HCRTR1: variants seen among roughly 807,000 people sequenced by gnomAD.
HCRTR1 encodes orexin/Hypocretin receptor type 1.
In HCRTR1, 28 loss-of-function variants were observed where a neutral mutation model predicts 40.6. That is an observed-to-expected ratio of 0.69 (90% confidence interval 0.51 to 0.95). The LOEUF is 0.95. Ranked by LOEUF, HCRTR1 falls within the 40% of genes least tolerant of loss-of-function variation. The pLI is 0.00. For synonymous variants in HCRTR1, 209 were observed against 230.0 expected (o/e 0.91, Z 0.83); for missense variants, 482 against 564.7 (o/e 0.85, Z 1.48).
chr1:31,623,341 T>C (rs1473860588), intron 6 of HCRTR1, among the ~76,000 whole-genome samples, 182 bp from the exon 7 acceptor site: 1 of 151,964 alleles, frequency 6.6e-6, no homozygotes, highest in Non-Finnish European at 1.5e-5. Context: ...AAGTCTATCG[T>C]TCACTCTCAA....
intron 6 of HCRTR1, among the ~76,000 whole-genome samples, chr1:31,622,522 A>AC (rs1639877754): frequency 1.3e-5 from 2 of 151,028 alleles, no homozygotes; most frequent in Admixed American, 1.3e-4. Context: ...CTCCCCACAG[A>AC]CCCCCCAGCC....
Position 31,626,736 on chromosome 1 carries a change from C to A in HCRTR1, c.1088-54C>A. Reference sequence around the variant, plus strand: ...GCGTGGGTGTCCCTGGGCTCAAGGCCCCTTCCTGCTGCATCTGTCTCCTTA... The same window carrying A: ...GCGTGGGTGTCCCTGGGCTCAAGGCACCTTCCTGCTGCATCTGTCTCCTTA... On this transcript the variant is annotated intron_variant, in intron 8 of 8. Coordinates refer to ENST00000403528, the MANE Select transcript of HCRTR1 (RefSeq NM_001525.3). This position sits in a 1 kb window ranked among gnomAD's most constrained non-coding sequence, Gnocchi z 4.6. 6.4e-7 allele frequency: 1 copy of A among 1,567,578 alleles called. No homozygotes were observed. Among genetic ancestry groups the A allele is most frequent in the Non-Finnish European group, 8.7e-7 (1 of 1,154,196 alleles).
chr1:31,624,803 C>T (rs868172629), intron 7 of HCRTR1, among the ~76,000 whole-genome samples, 194 bp from the exon 8 acceptor site: 2 of 152,276 alleles, frequency 1.3e-5, no homozygotes, highest in South Asian at 2.1e-4. Context: ...ATGCCCATCA[C>T]GGTGCTTGAT....
At chr1:31,632,562 C>G (rs1640138175), downstream of HCRTR1, 1 of 1,614,226 alleles carries the variant, frequency 6.2e-7, no homozygotes, top group Non-Finnish European at 8.5e-7. Context: ...AGAGGTTCTT[C>G]CACTGCTGGA....
downstream of HCRTR1, chr1:31,633,244 G>C: frequency 1.2e-6 from 2 of 1,614,114 alleles, no homozygotes; most frequent in Non-Finnish European, 1.7e-6. Context: ...TGGAGATATA[G>C]CCACTGTGAT....
chr1:31,620,060 A>G (rs1639820403), intron 4 of HCRTR1, among the ~76,000 whole-genome samples: 2 of 152,180 alleles, frequency 1.3e-5, no homozygotes, highest in Non-Finnish European at 2.9e-5. Flanking sequence ...CTGCTCCCCA[A>G]TCCCAAAGGG....
downstream of HCRTR1, among the ~76,000 whole-genome samples, chr1:31,633,969 C>A (rs1418933586): frequency 2.0e-3 from 294 of 148,828 alleles, no homozygotes; most frequent in African/African-American, 3.2e-3. Flanking sequence ...AAAAAAAAAA[C>A]AAAAAAACCC....
chr1:31,630,241 G>A (rs1045849937), downstream of HCRTR1: 2 of 292,236 alleles, frequency 6.8e-6, no homozygotes, highest in Non-Finnish European at 1.3e-5. Context: ...GGGAACACAG[G>A]TACTAACGGT....
At chr1:31,618,896 G>A (rs1342466117) in intron 2 of HCRTR1, 80 bp downstream of exon 2, 3 of 427,868 alleles carry the variant, frequency 7.0e-6, no homozygotes, top group Non-Finnish European at 1.3e-5. Context: ...AAGGCAACTG[G>A]TGTGGAATTG....
In HCRTR1 at chr1:31,627,548, C is replaced by T. The variant is rs192163402; in HGVS notation, c.*568C>T. On this transcript the variant is annotated 3_prime_UTR_variant, in exon 9 of 9. Transcript: ENST00000403528. ...TGGCTTTGTGGTGTGATAAAACACT[C>T]TCCATGGCCACTTGGCAGAGAGGCC... 1.9e-4 allele frequency: 69 copies of T among 363,082 alleles called. No homozygotes were observed. The highest frequency in any genetic ancestry group is 1.6e-3 in the Admixed American group (44 of 26,920). The allele number at this position is 363,082 out of a possible 1,614,324, so 22.5% of individuals were successfully genotyped here. A position where few individuals can be genotyped will look rare whatever the true frequency, so the allele number is the denominator to read the frequency against.
chr1:31,624,579 A>G (rs1639934627), intron 7 of HCRTR1, among the ~76,000 whole-genome samples: 1 of 151,838 alleles, frequency 6.6e-6, no homozygotes, highest in African/African-American at 2.4e-5. Context: ...CGCTGGGGAG[A>G]GAATGCAGGC....
Position 31,619,079 on chromosome 1 carries a change from C to A in HCRTR1, c.-114C>A. On this transcript the variant is annotated 5_prime_UTR_variant, in exon 3 of 9. In the 5' UTR this introduces an upstream ATG that the reference lacks. Transcript: ENST00000403528. Reference sequence around the variant, plus strand: ...GTTTGAGGCTGAGACCCGAAAAGACCTGGGTGCAAGCCTCCAGGCACCCTG... The same window carrying A: ...GTTTGAGGCTGAGACCCGAAAAGACATGGGTGCAAGCCTCCAGGCACCCTG... 1.3e-6 allele frequency: 1 copy of A among 793,894 alleles called. No individual in the cohort carries two copies. Among genetic ancestry groups the A allele is most frequent in the Non-Finnish European group, 2.0e-6 (1 of 507,572 alleles). The allele number at this position is 793,894 out of a possible 1,614,324, so 49.2% of individuals were successfully genotyped here. A position where few individuals can be genotyped will look rare whatever the true frequency, so the allele number is the denominator to read the frequency against.
At chr1:31,632,441 AAAGAG>A, downstream of HCRTR1, 1 of 1,613,476 alleles carries the variant, frequency 6.2e-7, no homozygotes, top group South Asian at 1.1e-5. Flanking sequence ...CTTAGGGTGT[AAAGAG>A]AAGAGTCTAG....
chr1:31,632,293 G>T, downstream of HCRTR1: 1 of 874,800 alleles, frequency 1.1e-6, no homozygotes. Context: ...TCTGGACCCA[G>T]GTGTTTCCTT....
rs1330143202 is a variant in HCRTR1 at position 31,627,166 on chromosome 1, G to A, written c.*186G>A. 8 of 1,435,034 alleles carry A rather than the reference G, an allele frequency of 5.6e-6. No homozygotes were observed. The highest frequency in any genetic ancestry group is 2.2e-5 in the Admixed American group (1 of 45,018). The allele number at this position is 1,435,034 out of a possible 1,614,324, so 88.9% of individuals were successfully genotyped here. On this transcript the variant is annotated 3_prime_UTR_variant, in exon 9 of 9. Coordinates refer to ENST00000403528, the MANE Select transcript of HCRTR1 (RefSeq NM_001525.3). ...GGTTGATGTGAGGATTAAGCATGCT[G>A]AAGCAAGTGGAAAGCTCCTTGTAAA...
rs189886049 is a variant in HCRTR1, at chr1:31,618,510, C to T, written c.-203-246C>T. Among the ~76,000 whole-genome samples the T allele has an allele frequency of 2.7e-3, 411 of 152,172 alleles. 3 individuals carry two copies. Among genetic ancestry groups the T allele is most frequent in the South Asian group, 0.019 (92 of 4,812 alleles). ...TGGCGGGTGGGGCTTGGGTCTCTAACACCTCCCTTGGCCCGTTTTCCCAAC... is the reference window on the plus strand; with the variant it reads ...TGGCGGGTGGGGCTTGGGTCTCTAATACCTCCCTTGGCCCGTTTTCCCAAC... On this transcript the variant is annotated intron_variant, in intron 1 of 8. Coordinates refer to ENST00000403528, the MANE Select transcript of HCRTR1 (RefSeq NM_001525.3).
chr1:31,628,310 G>A (rs1010122386), downstream of HCRTR1, among the ~76,000 whole-genome samples: 4 of 152,250 alleles, frequency 2.6e-5, no homozygotes, highest in South Asian at 6.2e-4. Flanking sequence ...CCCAGAGCAG[G>A]TGGAATGTGT....
Position 31,626,900 on chromosome 1 carries a change from T to G in HCRTR1, c.1198T>G (p.Leu400Val). ...CCGCTCCTCTGCCAGCCACAAGTCC[T>G]TGTCCTTGCAGAGCCGATGCTCCAT... ...SPRSSASHKS[L>V]SLQSRCSISK... The change falls in exon 9 of 9, where the codon TTG (leucine) becomes GTG (valine). Residue 400 changes from leucine to valine, a missense_variant. Coordinates refer to ENST00000403528, the MANE Select transcript of HCRTR1 (RefSeq NM_001525.3). The surrounding 1 kb of genome is among the most constrained non-coding windows in gnomAD (Gnocchi z 4.6). The G allele has an allele frequency of 1.7e-5, 27 of 1,614,060 alleles. No homozygotes were observed. The highest frequency in any genetic ancestry group is 2.3e-5 in the Non-Finnish European group (27 of 1,180,036).
At chr1:31,618,362 T>C (rs974140506) in intron 1 of HCRTR1, among the ~76,000 whole-genome samples, 2 of 152,118 alleles carry the variant, frequency 1.3e-5, no homozygotes, top group Non-Finnish European at 1.5e-5. Context: ...AAGGGGCCTC[T>C]TAGGGGGCCT....
Sources: gnomAD v4.1 joint callset for allele counts (sites outside exome capture counted in the v4.1 genomes callset) on GRCh38, gnomAD v4.1.1 for gene constraint, Gnocchi (gnomAD v3.1) non-coding constraint, MANE v1.5 for transcripts, NCBI Gene and HGNC (gene_info 2026-07-23, HGNC 2026-07-21) for gene names.